The following SEC14L5 variants were observed in gnomAD, a reference collection of about 807,000 sequenced individuals.
SEC14L5 encodes the protein SEC14 like lipid binding 5.
A neutral mutation model predicts 84.6 loss-of-function variants in SEC14L5; 96 were observed. That is an observed-to-expected ratio of 1.13 (90% CI 0.96 to 1.34). SEC14L5 has a LOEUF of 1.34. Ranked by LOEUF, SEC14L5 falls within the 40% of genes most tolerant of loss-of-function variation. SEC14L5 has a pLI of 0.00. For missense variants in SEC14L5, 1,224 were observed against 942.5 expected (o/e 1.30, Z -3.91); for synonymous variants, 546 against 383.4 (o/e 1.42, Z -4.95).
chr16:4,998,070 C>A (rs556498429), intron 8 of SEC14L5, among the ~76,000 whole-genome samples: 1 of 141,770 alleles, frequency 7.1e-6, no homozygotes, highest in African/African-American at 2.6e-5. Flanking sequence ...ATGGTGTGAT[C>A]TCAGCTCACT....
rs749599244 is a variant in SEC14L5 at position 5,003,568 on chromosome 16, AC to A, written c.1298del (p.Thr433AsnfsTer2). The A allele has an allele frequency of 3.6e-5, 48 of 1,340,034 alleles. No homozygotes were observed. The highest frequency in any genetic ancestry group is 4.6e-5 in the Non-Finnish European group (47 of 1,013,412). The allele number at this position is 1,340,034 out of a possible 1,614,324, so 83.0% of individuals were successfully genotyped here. A position where few individuals can be genotyped will look rare whatever the true frequency, so the allele number is the denominator to read the frequency against. ...CCCCCGAGTCTTCCCCGTGCTCTGG[AC>A]ACTGGTAAGAGCTGGAGCCTGGGCC... ...RAPRVFPVLW[T>X]LISPFINENT... On this transcript the variant is annotated frameshift_variant, in exon 11 of 16. Coordinates refer to ENST00000251170, the MANE Select transcript of SEC14L5 (RefSeq NM_014692.2). LOFTEE classifies it high-confidence loss of function.
intron 14 of SEC14L5, 130 bp from the exon 15 acceptor site, chr16:5,010,965 C>A: frequency 3.6e-6 from 3 of 830,514 alleles, no homozygotes; most frequent in South Asian, 1.8e-5. Flanking sequence ...TGCTGGTGGA[C>A]TGGAGAAAGG....
At chr16:4,997,886 T>G (rs1335287151) in intron 8 of SEC14L5, among the ~76,000 whole-genome samples, 1 of 152,066 alleles carries the variant, frequency 6.6e-6, no homozygotes, top group African/African-American at 2.4e-5. Context: ...TTCTGTGTCC[T>G]CGCCTCTTCT....
chr16:4,978,958 A>G (rs952374649), intron 2 of SEC14L5, among the ~76,000 whole-genome samples: 1 of 152,014 alleles, frequency 6.6e-6, no homozygotes, highest in African/African-American at 2.4e-5. Context: ...CTGGTCTCGA[A>G]GTCCTGGGCT....
intron 15 of SEC14L5, 89 bp from the exon 16 acceptor site, chr16:5,014,770 C>T (rs1412146588): frequency 5.1e-6 from 5 of 973,496 alleles, no homozygotes; most frequent in Non-Finnish European, 7.9e-6. Context: ...GCCTGATTTG[C>T]AGCATCAACA....
chr16:4,969,001 C>G (rs1266286524), intron 2 of SEC14L5, among the ~76,000 whole-genome samples: 1 of 152,250 alleles, frequency 6.6e-6, no homozygotes, highest in Non-Finnish European at 1.5e-5. Flanking sequence ...GTTGGATTCG[C>G]TGTTACGGAG....
In SEC14L5 at chr16:5,017,846, G is replaced by A. The variant is rs572600297; in HGVS notation, c.*2876G>A. On this transcript the variant is annotated 3_prime_UTR_variant, in exon 16 of 16. Coordinates refer to ENST00000251170, the MANE Select transcript of SEC14L5 (RefSeq NM_014692.2). ...AGGACTGGAATTAAAAATAATCCAAGGAAGGGATTGCCAAGCTTTTGGCTT... is the reference window on the plus strand; with the variant it reads ...AGGACTGGAATTAAAAATAATCCAAAGAAGGGATTGCCAAGCTTTTGGCTT... 1 of 152,338 alleles carries A rather than the reference G, an allele frequency of 6.6e-6. No individual in the cohort carries two copies. Among genetic ancestry groups the A allele is most frequent in the Non-Finnish European group, 1.5e-5 (1 of 68,032 alleles). 9.4% of individuals were successfully genotyped at this position (152,338 alleles called of 1,614,324 possible).
Position 5,008,537 on chromosome 16 carries a change from G to A in SEC14L5, c.1689G>A (p.Arg563=). 3.1e-6 allele frequency: 5 copies of A among 1,609,312 alleles called. No individual in the cohort carries two copies. The East Asian group carries it at 8.9e-5, about 29-fold the overall frequency. The change falls in exon 14 of 16, where the codon CGG becomes CGA. Residue 563 remains arginine (R), a synonymous_variant. Coordinates refer to ENST00000251170, the MANE Select transcript of SEC14L5 (RefSeq NM_014692.2). ...AGCAGGCGCCCAGGCTGGGCGCCCG[G>A]GAACCGGGGACCAGGGCCAGCGGGC... ...HTKQAPRLGA[R]EPGTRASGQL...
chr16:4,996,398 C>T lies in SEC14L5; in HGVS notation c.718C>T (p.Pro240Ser). 1.9e-6 allele frequency: 3 copies of T among 1,572,678 alleles called. No homozygotes were observed. Among genetic ancestry groups the T allele is most frequent in the South Asian group, 2.4e-5 (2 of 85,062 alleles). ...TGAGAGGTGCCTGGGCCACCTCACG[C>T]CCATGCAGGAGAGCTGCCTGATCCA... ...YIERCLGHLT[P>S]MQESCLIQLR... The change falls in exon 7 of 16, where the codon CCC becomes TCC. Residue 240 changes from proline (P) to serine (S), a missense_variant. Transcript: ENST00000251170.
Position 5,019,021 on chromosome 16 carries a change from C to G in SEC14L5, c.*4051C>G, listed in dbSNP as rs143051795. 1 of 152,154 alleles carries G rather than the reference C, an allele frequency of 6.6e-6. No individual in the cohort carries two copies. The highest frequency in any genetic ancestry group is 2.4e-5 in the African/African-American group (1 of 41,428). The allele number at this position is 152,154 out of a possible 1,614,324, so 9.4% of individuals were successfully genotyped here. On this transcript the variant is annotated 3_prime_UTR_variant, in exon 16 of 16. Transcript: ENST00000251170. The stretch of plus-strand genomic sequence containing the variant: ...AAACCCTGGAGGTTTCCCGTGGGCT[C>G]GTTCAAGAACTTTCCAGCTGTTGTT...
intron 7 of SEC14L5, 65 bp from the exon 8 acceptor site, chr16:4,996,790 C>A: frequency 1.5e-6 from 2 of 1,320,314 alleles, no homozygotes; most frequent in Non-Finnish European, 2.1e-6. Flanking sequence ...CCGGCTGGTT[C>A]TGTAATTTTA....
At position 4,990,773 on chromosome 16, in the gene SEC14L5, C is replaced by T; in HGVS notation, c.352C>T (p.Pro118Ser). The change falls in exon 5 of 16, where the codon CCT (proline) becomes TCT (serine). Residue 118 changes from proline to serine, a missense_variant. By Grantham distance (74) the Pro-to-Ser change is moderately conservative. Coordinates refer to ENST00000251170, the MANE Select transcript of SEC14L5 (RefSeq NM_014692.2). ...ACCCCTGCCTGGCTTTCAGGTCCAC[C>T]CTGAGAATGAAGACTGGACTTGCTT... Reference protein sequence around the residue: ...VNEHCSYTVHPENEDWTCFEQ... With the variant: ...VNEHCSYTVHSENEDWTCFEQ... The T allele has an allele frequency of 6.2e-7, 1 of 1,607,708 alleles. No individual in the cohort carries two copies. The highest frequency in any genetic ancestry group is 8.5e-7 in the Non-Finnish European group (1 of 1,176,918).
chr16:4,983,948 T>C (rs1955458325), intron 2 of SEC14L5, among the ~76,000 whole-genome samples: 1 of 152,156 alleles, frequency 6.6e-6, no homozygotes, highest in African/African-American at 2.4e-5. Flanking sequence ...TTCATATGTG[T>C]GTATGTGTAC....
Position 5,000,641 on chromosome 16 carries a change from C to T in SEC14L5, c.971-14C>T, listed in dbSNP as rs1035217961. 1 of 1,546,016 alleles carries T rather than the reference C, an allele frequency of 6.5e-7. No individual in the cohort carries two copies. Among genetic ancestry groups the T allele is most frequent in the Non-Finnish European group, 8.8e-7 (1 of 1,142,416 alleles). On this transcript the variant is annotated splice_polypyrimidine_tract_variant and intron_variant, in intron 8 of 15. Transcript: ENST00000251170. ...ATAACGGGCTCTTCTTTCTGCTTGG[C>T]CCCATCCACAAAGATGGCCGCCCCC...
At chr16:4,969,819 C>T (rs7191640) in intron 2 of SEC14L5, among the ~76,000 whole-genome samples, 59,803 of 148,120 alleles carry the variant, frequency 0.4, 12,521 homozygotes, top group Non-Finnish European at 0.47. Flanking sequence ...CTTTTTCTTT[C>T]CTTTTTTTTT....
chr16:5,007,606 C>CTTTT (rs377374416), intron 13 of SEC14L5, 120 bp downstream of exon 13: 24 of 562,844 alleles, frequency 4.3e-5, no homozygotes, highest in South Asian at 9.1e-5. Context: ...TTCTTTCTTT[C>CTTTT]TTTTTTTTTT....
intron 2 of SEC14L5, among the ~76,000 whole-genome samples, chr16:4,962,237 A>C (rs979669667): frequency 1.3e-5 from 2 of 152,082 alleles, no homozygotes; most frequent in Non-Finnish European, 2.9e-5. Flanking sequence ...TATGAATAGC[A>C]CTAGTAATGT....
intron 2 of SEC14L5, among the ~76,000 whole-genome samples, chr16:4,979,692 G>A (rs1251309549): frequency 6.6e-6 from 1 of 151,236 alleles, no homozygotes; most frequent in African/African-American, 2.4e-5. Flanking sequence ...ATTGTCCCTG[G>A]AGAGCCCTTG....
Position 5,015,220 on chromosome 16 carries a change from C to T in SEC14L5, c.*250C>T. The T allele has an allele frequency of 1.9e-6, 1 of 522,868 alleles. No homozygotes were observed. The allele number at this position is 522,868 out of a possible 1,614,324, so 32.4% of individuals were successfully genotyped here. A position where few individuals can be genotyped will look rare whatever the true frequency, so the allele number is the denominator to read the frequency against. On this transcript the variant is annotated 3_prime_UTR_variant, in exon 16 of 16. Coordinates refer to ENST00000251170, the MANE Select transcript of SEC14L5 (RefSeq NM_014692.2). ...CGTGTAAGGAAGACCAAGCCAAGGC[C>T]AAGGTGTCTACCATACCACACCTTT...
Sources: allele counts gnomAD v4.1 joint callset (sites outside exome capture counted in the v4.1 genomes callset), GRCh38; gene constraint gnomAD v4.1.1; transcripts MANE v1.5; gene names NCBI Gene and HGNC (gene_info 2026-07-23, HGNC 2026-07-21).